The following MACROD2 variants were observed in gnomAD, a reference collection of about 807,000 sequenced individuals.
MACROD2 encodes the protein ADP-ribose glycohydrolase MACROD2.
MACROD2 carries 36 observed loss-of-function variants against 70.4 expected under a neutral mutation model. The observed-to-expected ratio is 0.51, with a 90% CI of 0.39 to 0.68. The LOEUF is 0.68. MACROD2 is among the 30% of genes least tolerant of loss of function. The probability of loss-of-function intolerance (pLI) is 0.00; values close to 1 mark genes in which losing one functional copy is unlikely to be tolerated. For synonymous variants in MACROD2, 172 were observed against 178.8 expected (o/e 0.96, Z 0.30); for missense variants, 496 against 538.4 (o/e 0.92, Z 0.78).
At position 14,014,543 on chromosome 20, in the gene MACROD2, T is replaced by C. The variant is rs1164636560; in HGVS notation, c.163+12139T>C. 2.6e-5 allele frequency among the ~76,000 whole-genome samples: 4 copies of C among 152,164 alleles called. No homozygotes were observed. In the East Asian group the frequency reaches 7.7e-4, roughly 29 times the overall value. ...AGCAGGAGAGCTACAGAAACTTCAA[T>C]ACGATGAGAATAAATTGGCAACAGT... On this transcript the variant is annotated intron_variant, in intron 2 of 17. Transcript: ENST00000684519.
chr20:15,312,158 C>A (rs575734849), intron 6 of MACROD2, among the ~76,000 whole-genome samples: 36 of 152,212 alleles, frequency 2.4e-4, no homozygotes, highest in African/African-American at 8.4e-4. Flanking sequence ...ATTCTTTGAA[C>A]TATTTATTAA....
intron 8 of MACROD2, among the ~76,000 whole-genome samples, chr20:15,774,195 G>C (rs903978665): frequency 3.9e-5 from 6 of 152,074 alleles, no homozygotes; most frequent in Non-Finnish European, 8.8e-5. Flanking sequence ...AGTTTTAATG[G>C]AGGTATTAAC....
rs2053788669 is a variant in MACROD2 at position 14,068,028 on chromosome 20, TA to T, written c.164-17592del. 3.3e-5 allele frequency among the ~76,000 whole-genome samples: 5 copies of T among 152,314 alleles called. No individual in the cohort carries two copies. In the South Asian group the frequency reaches 1.0e-3, roughly 32 times the overall value. ...CATATAGATCTATAAAACTCGACTTTATTTTAGGAAAGGGTAGAATTAGGAT... is the reference window on the plus strand; with the variant it reads ...CATATAGATCTATAAAACTCGACTTTTTTTAGGAAAGGGTAGAATTAGGAT... On this transcript the variant is annotated intron_variant, in intron 2 of 17. Coordinates refer to ENST00000684519, the MANE Select transcript of MACROD2 (RefSeq NM_001351661.2).
chr20:14,991,106 G>A (rs2074899973), intron 5 of MACROD2, among the ~76,000 whole-genome samples: 1 of 152,046 alleles, frequency 6.6e-6, no homozygotes, highest in Non-Finnish European at 1.5e-5. Flanking sequence ...GCCTGCTGCT[G>A]TTCTTGATGG....
At chr20:14,773,329 A>G (rs1294090529) in intron 5 of MACROD2, among the ~76,000 whole-genome samples, 2 of 152,082 alleles carry the variant, frequency 1.3e-5, no homozygotes, top group Admixed American at 6.6e-5. Flanking sequence ...AACATTTACT[A>G]TCAAGCAGTT....
At chr20:15,075,829 A>C (rs2075653188) in intron 5 of MACROD2, among the ~76,000 whole-genome samples, 1 of 152,176 alleles carries the variant, frequency 6.6e-6, no homozygotes, top group Admixed American at 6.5e-5. Context: ...CAGGGTAGAG[A>C]AGAGACAAAG....
chr20:15,346,437 G>A (rs2078166987), intron 6 of MACROD2, among the ~76,000 whole-genome samples: 2 of 152,158 alleles, frequency 1.3e-5, no homozygotes, highest in African/African-American at 4.8e-5. Context: ...TCCAGATAAA[G>A]GAACTTATTC....
chr20:14,098,671 A>C (rs2054261651), intron 3 of MACROD2, among the ~76,000 whole-genome samples: 1 of 152,166 alleles, frequency 6.6e-6, no homozygotes, highest in Middle Eastern at 3.2e-3. Context: ...TGTTCAGTAA[A>C]ACTGAAATGA....
chr20:15,606,770 AGGCAGGC>A (rs1168158167), intron 8 of MACROD2, among the ~76,000 whole-genome samples: 1 of 152,166 alleles, frequency 6.6e-6, no homozygotes, highest in Non-Finnish European at 1.5e-5. Flanking sequence ...TAGGAGGCCG[AGGCAGGC>A]GGATCACCTG....
intron 3 of MACROD2, among the ~76,000 whole-genome samples, chr20:14,462,115 T>C (rs2084379894): frequency 1.3e-5 from 2 of 152,062 alleles, no homozygotes; most frequent in East Asian, 3.9e-4. Context: ...CCACACCGAC[T>C]TCCACAATGG....
chr20:14,823,436 G>C (rs1247068247), intron 5 of MACROD2, among the ~76,000 whole-genome samples: 1 of 152,070 alleles, frequency 6.6e-6, no homozygotes, highest in African/African-American at 2.4e-5. Context: ...AAAAAGTGCA[G>C]ACATAAGGAG....
At chr20:14,957,426 A>C (rs528685652) in intron 5 of MACROD2, among the ~76,000 whole-genome samples, 2 of 152,334 alleles carry the variant, frequency 1.3e-5, no homozygotes, top group African/African-American at 4.8e-5. Context: ...GAACAGGCAC[A>C]CTTTGGGACA....
At chr20:15,346,977 A>T (rs2078173668) in intron 6 of MACROD2, among the ~76,000 whole-genome samples, 1 of 152,192 alleles carries the variant, frequency 6.6e-6, no homozygotes. Flanking sequence ...CAGGTGCTAG[A>T]GAGAAAAGCA....
chr20:14,182,448 G>C (rs979390857), intron 3 of MACROD2, among the ~76,000 whole-genome samples: 1 of 151,874 alleles, frequency 6.6e-6, no homozygotes, highest in Non-Finnish European at 1.5e-5. Context: ...TTTCTTGATA[G>C]TGTCCTTTGA....
intron 5 of MACROD2, among the ~76,000 whole-genome samples, chr20:15,036,112 G>A (rs2075310933): frequency 2.0e-5 from 3 of 152,098 alleles, no homozygotes; most frequent in Non-Finnish European, 4.4e-5. Context: ...TGTATTTATA[G>A]TCAATTTATC....
intron 8 of MACROD2, among the ~76,000 whole-genome samples, chr20:15,815,969 T>G (rs1359219157): frequency 2.6e-5 from 4 of 152,126 alleles, no homozygotes; most frequent in Admixed American, 2.6e-4. Flanking sequence ...CTGACATTAT[T>G]TAATCATCAG....
chr20:14,283,633 TA>T (rs1296640364), intron 3 of MACROD2, among the ~76,000 whole-genome samples: 1 of 152,178 alleles, frequency 6.6e-6, no homozygotes, highest in African/African-American at 2.4e-5. Flanking sequence ...ATTTGTTTTT[TA>T]ATGTGGAGAC....
chr20:15,103,938 G>T (rs1246537590), intron 5 of MACROD2, among the ~76,000 whole-genome samples: 3 of 152,086 alleles, frequency 2.0e-5, no homozygotes, highest in Non-Finnish European at 4.4e-5. Flanking sequence ...CAAAGGGAGA[G>T]AAATAGAGAA....
chr20:15,233,983 T>TTATATATATATATATATATATATA (rs1312226727), intron 6 of MACROD2, among the ~76,000 whole-genome samples: 2 of 44,004 alleles, frequency 4.5e-5, no homozygotes, highest in African/African-American at 9.0e-5. Flanking sequence ...ATATATTTAT[T>TTATATATATATATATATATATATA]TATATATATA....
Sources: allele counts gnomAD v4.1 joint callset (sites outside exome capture counted in the v4.1 genomes callset), GRCh38; gene constraint gnomAD v4.1.1; transcripts MANE v1.5; gene names NCBI Gene and HGNC (gene_info 2026-07-23, HGNC 2026-07-21).